The following RPL3L variants were observed in gnomAD, a reference collection of about 807,000 sequenced individuals.
RPL3L encodes the protein ribosomal protein L3 like.
A neutral mutation model predicts 44.5 loss-of-function variants in RPL3L; 44 were observed. The observed-to-expected ratio is 0.99, with a 90% CI of 0.78 to 1.27. The LOEUF is 1.27. Among genes scored for constraint, RPL3L ranks in the 50% most tolerant of loss-of-function variants. The pLI, the probability that RPL3L is intolerant of heterozygous loss-of-function variation, is 0.00. For synonymous variants in RPL3L, 292 were observed against 230.7 expected (o/e 1.27, Z -2.41); for missense variants, 631 against 569.1 (o/e 1.11, Z -1.11).
chr16:1,946,668 G>A lies in RPL3L; in HGVS notation c.908C>T (p.Ala303Val). 1.2e-6 allele frequency: 2 copies of A among 1,612,826 alleles called. No individual in the cohort carries two copies. The highest frequency in any genetic ancestry group is 1.3e-5 in the African/African-American group (1 of 75,072). ...MEDGKLVKNNASTSYDVTAKS... is the reference protein window; with the variant it reads ...MEDGKLVKNNVSTSYDVTAKS... ...GGCAGTCACGTCGTAGCTGGTGGAT[G>A]CATTGTTCTTCACCAGCTTCCCGTC... Residue 303 changes from alanine to valine, a missense_variant, in exon 7 of 10, where the codon GCA becomes GTA. Physicochemically the swap from Ala to Val is moderately conservative, Grantham distance 64. Transcript: ENST00000268661.
rs1397841671 is a variant in RPL3L at position 1,954,099 on chromosome 16, G to A, written c.53C>T (p.Pro18Leu). 1 of 1,602,562 alleles carries A rather than the reference G, an allele frequency of 6.2e-7. No homozygotes were observed. Among genetic ancestry groups the A allele is most frequent in the Non-Finnish European group, 8.5e-7 (1 of 1,175,514 alleles). Residue 18 changes from proline (P) to leucine (L), a missense_variant, in exon 2 of 10, where the codon CCC becomes CTC. Coordinates refer to ENST00000268661, the MANE Select transcript of RPL3L (RefSeq NM_005061.3). ...APRHGHLGFL[P>L]HKRSHRHRGK... ...CCGGTGCCGGTGGCTCCTCTTATGG[G>A]GCAGGAAGCCCAGGTGTCCGTGCCG...
At chr16:1,949,264 T>TTTTTTTTTTTTTTTTTTTTTTTCC (rs2083151427) in intron 4 of RPL3L, among the ~76,000 whole-genome samples, 1 of 117,630 alleles carries the variant, frequency 8.5e-6, no homozygotes, top group Non-Finnish European at 1.7e-5. Flanking sequence ...TTTTTCTTTT[T>TTTTTTTTTTTTTTTTTTTTTTTCC]TTTTTTTTTT....
intron 4 of RPL3L, among the ~76,000 whole-genome samples, chr16:1,948,653 G>T (rs1451181292): frequency 1.3e-5 from 2 of 151,814 alleles, no homozygotes; most frequent in Non-Finnish European, 2.9e-5. Context: ...TCCCACCTTA[G>T]CCTCCTGAGT....
intron 1 of RPL3L, 134 bp downstream of exon 1, chr16:1,954,495 T>G (rs1409602025): frequency 3.0e-5 from 32 of 1,049,360 alleles, no homozygotes; most frequent in Non-Finnish European, 4.1e-5. Flanking sequence ...GTCCCCTTGT[T>G]TCCCCCTCCA....
chr16:1,946,936 A>G lies in RPL3L; in HGVS notation c.849+2T>C. 6.3e-7 allele frequency: 1 copy of G among 1,597,066 alleles called. No homozygotes were observed. The highest frequency in any genetic ancestry group is 8.5e-7 in the Non-Finnish European group (1 of 1,171,194). Reference sequence around the variant, plus strand: ...GTCCCCGTACCCCGGCTGAGGACGCACCTTCTTGTTGAGCTCCGTGCGGTG... The same window carrying G: ...GTCCCCGTACCCCGGCTGAGGACGCGCCTTCTTGTTGAGCTCCGTGCGGTG... On this transcript the variant is annotated splice_donor_variant, in intron 6 of 9. Transcript: ENST00000268661. LOFTEE classifies it high-confidence loss of function.
rs1293871878 is a variant in RPL3L at position 1,953,981 on chromosome 16, C to T, written c.171G>A (p.Leu57=). The change falls in exon 2 of 10, where the codon CTG becomes CTA. Residue 57 remains leucine, a synonymous_variant. Transcript: ENST00000268661. ...LGYKAGMTHT[L]REVHRPGLKI... is the part of the protein sequence containing the mutation. The stretch of plus-strand genomic sequence containing the variant: ...TGAGCCCCGGCCGGTGCACCTCCCG[C>T]AGGGTGTGGGTCATGCCCGCCTTGT... 13 of 1,571,510 alleles carry T rather than the reference C, an allele frequency of 8.3e-6. No homozygotes were observed. The highest frequency in any genetic ancestry group is 1.4e-5 in the African/African-American group (1 of 73,330).
Position 1,946,709 on chromosome 16 carries a change from C to A in RPL3L, c.867G>T (p.Arg289Ser). 2 of 1,612,688 alleles carry A rather than the reference C, an allele frequency of 1.2e-6. No homozygotes were observed. Among genetic ancestry groups the A allele is most frequent in the Non-Finnish European group, 1.7e-6 (2 of 1,179,938 alleles). Reference protein sequence around the residue: ...ELNKKIFRIGRGPHMEDGKLV... With the variant: ...ELNKKIFRIGSGPHMEDGKLV... The stretch of plus-strand genomic sequence containing the variant: ...GCTTCCCGTCCTCCATGTGCGGGCC[C>A]CTGCCGATGCGGAAGATCTGCCAGA... The change falls in exon 7 of 10, where the codon AGG becomes AGT. Residue 289 changes from arginine (R) to serine (S), a missense_variant. Arg to Ser is a moderately radical substitution (Grantham distance 110). Transcript: ENST00000268661.
rs139985456 is a variant in RPL3L at position 1,950,293 on chromosome 16, G to T, written c.501+551C>A. ...CCTCTGCCTGCCTGGAGTCTGTCCAGGGAGATGAACACACACCAGTGACTG... is the reference window on the plus strand; with the variant it reads ...CCTCTGCCTGCCTGGAGTCTGTCCATGGAGATGAACACACACCAGTGACTG... On this transcript the variant is annotated intron_variant, in intron 4 of 9. Coordinates refer to ENST00000268661, the MANE Select transcript of RPL3L (RefSeq NM_005061.3). Among the ~76,000 whole-genome samples, 509 of 152,072 alleles carry T rather than the reference G, an allele frequency of 3.3e-3. 6 individuals carry two copies. Among genetic ancestry groups the T allele is most frequent in the African/African-American group, 0.012 (478 of 41,458 alleles).
At chr16:1,953,369 G>C (rs931388866) in intron 2 of RPL3L, among the ~76,000 whole-genome samples, 1 of 152,112 alleles carries the variant, frequency 6.6e-6, no homozygotes, top group Non-Finnish European at 1.5e-5. Flanking sequence ...ACAGGCACTC[G>C]CCACAACGCC....
At position 1,949,251 on chromosome 16, in the gene RPL3L, T is replaced by G. The variant is rs867934781; in HGVS notation, c.501+1593A>C. Among the ~76,000 whole-genome samples the G allele has an allele frequency of 5.1e-5, 5 of 97,216 alleles. No individual in the cohort carries two copies. In the East Asian group the frequency reaches 2.0e-3, roughly 39 times the overall value. The allele number at this position is 97,216 out of a possible 152,430, so 63.8% of individuals were successfully genotyped here. A position where few individuals can be genotyped will look rare whatever the true frequency, so the allele number is the denominator to read the frequency against. On this transcript the variant is annotated intron_variant, in intron 4 of 9. Transcript: ENST00000268661. ...CCACTGGGCCTGATTTTTGTTTTTT[T>G]TTTTTTTCTTTTTTTTTTTTTTTTT...
intron 4 of RPL3L, among the ~76,000 whole-genome samples, chr16:1,949,044 C>G (rs1052855014): frequency 2.1e-5 from 3 of 143,844 alleles, no homozygotes; most frequent in African/African-American, 7.9e-5. Flanking sequence ...TGGGGATCTC[C>G]CTATGTTGCC....
intron 3 of RPL3L, among the ~76,000 whole-genome samples, chr16:1,951,249 G>A (rs1216740704): frequency 6.6e-6 from 1 of 152,228 alleles, no homozygotes; most frequent in Non-Finnish European, 1.5e-5. Flanking sequence ...GAAGCTCAGA[G>A]AAGGCGGCTG....
At chr16:1,952,156 A>T (rs1049838099) in intron 3 of RPL3L, among the ~76,000 whole-genome samples, 7 of 150,236 alleles carry the variant, frequency 4.7e-5, no homozygotes, top group African/African-American at 1.7e-4. Context: ...TTTAGTAGAG[A>T]CGGGTTTTCA....
Position 1,945,610 on chromosome 16 carries a change from C to T in RPL3L, c.1056G>A (p.Leu352=), listed in dbSNP as rs2083114934. The T allele has an allele frequency of 6.2e-7, 1 of 1,613,772 alleles. No individual in the cohort carries two copies. The highest frequency in any genetic ancestry group is 8.5e-7 in the Non-Finnish European group (1 of 1,179,980). Residue 352 remains leucine, a synonymous_variant, in exon 9 of 10, where the codon CTG becomes CTA. Transcript: ENST00000268661. ...CCACGGCTTGGCGACTGTGATGCAC[C>T]AGGAGGGACTGGGGAATCCATGGTA... ...KRVITLRKSL[L]VHHSRQAVEN...
chr16:1,950,910 C>G lies in RPL3L; in HGVS notation c.435G>C (p.Gln145His). Reference sequence around the variant, plus strand: ...TCATGGCGGCGAAGTCCTTCTGTAGCTGCTTTTTCCCGTCTGTGTCCCGCC... The same window carrying G: ...TCATGGCGGCGAAGTCCTTCTGTAGGTGCTTTTTCCCGTCTGTGTCCCGCC... ...KRWRDTDGKK[Q>H]LQKDFAAMKK... is the part of the protein sequence containing the mutation. The change falls in exon 4 of 10, where the codon CAG (glutamine) becomes CAC (histidine). Residue 145 changes from glutamine to histidine, a missense_variant. Coordinates refer to ENST00000268661, the MANE Select transcript of RPL3L (RefSeq NM_005061.3). 1 of 1,614,062 alleles carries G rather than the reference C, an allele frequency of 6.2e-7. No homozygotes were observed. The highest frequency in any genetic ancestry group is 8.5e-7 in the Non-Finnish European group (1 of 1,179,986).
At chr16:1,952,418 C>T (rs944356918) in intron 3 of RPL3L, among the ~76,000 whole-genome samples, 11 of 152,064 alleles carry the variant, frequency 7.2e-5, no homozygotes, top group African/African-American at 2.7e-4. Context: ...ACTCTGCCAC[C>T]CAGGCTGCAG....
chr16:1,953,861 T>C (rs1161270035), intron 2 of RPL3L, 95 bp downstream of exon 2: 8 of 1,269,166 alleles, frequency 6.3e-6, no homozygotes, highest in Non-Finnish European at 8.3e-6. Context: ...TCCCTGGGAC[T>C]GTGGCCCTGT....
intron 1 of RPL3L, 27 bp downstream of exon 1, chr16:1,954,602 G>T: frequency 7.2e-7 from 1 of 1,387,630 alleles, no homozygotes; most frequent in Non-Finnish European, 9.8e-7. Context: ...TCCAACCCCA[G>T]CCCACCCTCA....
At chr16:1,945,744 C>T (rs1211556601) in intron 8 of RPL3L, 91 bp downstream of exon 8, 1 of 1,604,082 alleles carries the variant, frequency 6.2e-7, no homozygotes, top group East Asian at 2.2e-5. Flanking sequence ...CTTCTGCTCC[C>T]ACCACTCCAT....
Sources: gnomAD v4.1 joint callset for allele counts (sites outside exome capture counted in the v4.1 genomes callset) on GRCh38, gnomAD v4.1.1 for gene constraint, MANE v1.5 for transcripts, NCBI Gene and HGNC (gene_info 2026-07-23, HGNC 2026-07-21) for gene names.